The following STAU2 variants were observed in gnomAD, a reference collection of about 807,000 sequenced individuals.
STAU2 encodes the protein staufen double-stranded RNA binding protein 2, also known as double-stranded RNA-binding protein Staufen homolog 2.
STAU2 carries 20 observed loss-of-function variants against 65.9 expected under a neutral mutation model. The ratio of observed to expected loss-of-function variants is 0.30; its 90% CI spans 0.21 to 0.44. STAU2 has a LOEUF of 0.44. Among genes scored for constraint, STAU2 ranks in the 20% least tolerant of loss-of-function variants. The probability of loss-of-function intolerance (pLI) is 1.00; values close to 1 mark genes in which losing one functional copy is unlikely to be tolerated. For synonymous variants in STAU2, 232 were observed against 233.9 expected (o/e 0.99, Z 0.07); for missense variants, 558 against 683.9 (o/e 0.82, Z 2.05).
At chr8:73,668,735 A>G (rs1232664808) in intron 6 of STAU2, among the ~76,000 whole-genome samples, 2 of 150,834 alleles carry the variant, frequency 1.3e-5, no homozygotes, top group African/African-American at 4.9e-5. Flanking sequence ...GGGCATAATA[A>G]AAGGAGACAG....
intron 8 of STAU2, among the ~76,000 whole-genome samples, chr8:73,615,275 G>A (rs1473791974): frequency 6.6e-6 from 1 of 151,482 alleles, no homozygotes; most frequent in Non-Finnish European, 1.5e-5. Flanking sequence ...AGGTTAAAGT[G>A]AAACATATTT....
At chr8:73,556,565 G>A (rs1000798445) in intron 12 of STAU2, among the ~76,000 whole-genome samples, 2 of 152,156 alleles carry the variant, frequency 1.3e-5, no homozygotes, top group Non-Finnish European at 2.9e-5. Flanking sequence ...AGACCAGCCT[G>A]GCCAACATGT....
chr8:73,600,329 T>A (rs1183306686), intron 10 of STAU2, among the ~76,000 whole-genome samples: 1 of 152,190 alleles, frequency 6.6e-6, no homozygotes, highest in African/African-American at 2.4e-5. Context: ...CTGTGAAATA[T>A]TTTTTAAATA....
At chr8:73,572,191 C>T (rs1244894239) in intron 12 of STAU2, among the ~76,000 whole-genome samples, 2 of 152,168 alleles carry the variant, frequency 1.3e-5, no homozygotes, top group African/African-American at 4.8e-5. Flanking sequence ...CCTCCTAAGA[C>T]TAAACCAGGA....
chr8:73,569,824 A>C (rs1808905604), intron 12 of STAU2, among the ~76,000 whole-genome samples: 1 of 152,196 alleles, frequency 6.6e-6, no homozygotes, highest in African/African-American at 2.4e-5. Context: ...CCATCATCAA[A>C]GACCAAAGGT....
chr8:73,687,452 A>G (rs922264782), intron 5 of STAU2, among the ~76,000 whole-genome samples: 22 of 138,300 alleles, frequency 1.6e-4, no homozygotes, highest in Non-Finnish European at 2.8e-4. Context: ...ATATAAATAT[A>G]TAATATATAA....
At chr8:73,503,181 G>T (rs1821858927) in intron 13 of STAU2, among the ~76,000 whole-genome samples, 2 of 152,228 alleles carry the variant, frequency 1.3e-5, no homozygotes, top group Admixed American at 6.5e-5. Flanking sequence ...CTGTGGAAAA[G>T]ACACGCTGCA....
chr8:73,634,626 C>A (rs548063779), intron 6 of STAU2, among the ~76,000 whole-genome samples: 4 of 152,350 alleles, frequency 2.6e-5, no homozygotes, highest in African/African-American at 7.2e-5. Flanking sequence ...AAATCAGGCT[C>A]CCAGTCACAT....
At chr8:73,603,578 T>C (rs1444600445) in intron 10 of STAU2, 148 bp downstream of exon 10, 3 of 981,756 alleles carry the variant, frequency 3.1e-6, no homozygotes, top group Non-Finnish European at 2.8e-6. Flanking sequence ...TTCCACCAAG[T>C]TGGTAGGTGA....
chr8:73,541,458 A>T (rs1255803627), intron 13 of STAU2, among the ~76,000 whole-genome samples: 2 of 152,198 alleles, frequency 1.3e-5, no homozygotes, highest in Non-Finnish European at 1.5e-5. Context: ...AAAAACCAAA[A>T]CCAAAATAAA....
chr8:73,597,080 C>A (rs1416469842), intron 10 of STAU2, among the ~76,000 whole-genome samples: 2 of 151,648 alleles, frequency 1.3e-5, no homozygotes, highest in Admixed American at 6.6e-5. Context: ...TCAAGAAGTC[C>A]CAAACATATC....
intron 9 of STAU2, among the ~76,000 whole-genome samples, chr8:73,609,179 C>T (rs1812255440): frequency 1.3e-5 from 2 of 151,866 alleles, no homozygotes. Flanking sequence ...ATTCAGGAAT[C>T]ATCTATTTAA....
intron 13 of STAU2, among the ~76,000 whole-genome samples, chr8:73,470,823 T>C (rs1170667877): frequency 1.4e-5 from 2 of 147,030 alleles, no homozygotes; most frequent in Non-Finnish European, 3.0e-5. Context: ...AATTTTTTTT[T>C]AAATAATAGA....
intron 12 of STAU2, among the ~76,000 whole-genome samples, chr8:73,573,011 T>G (rs1809229903): frequency 6.6e-6 from 1 of 152,220 alleles, no homozygotes; most frequent in Non-Finnish European, 1.5e-5. Flanking sequence ...CCTCATTGTC[T>G]CAGCCCAAAA....
At chr8:73,621,495 C>A (rs1813231006) in intron 6 of STAU2, among the ~76,000 whole-genome samples, 1 of 152,168 alleles carries the variant, frequency 6.6e-6, no homozygotes, top group Admixed American at 6.5e-5. Context: ...CATATTTTTA[C>A]AAATTAGTAT....
intron 11 of STAU2, among the ~76,000 whole-genome samples, chr8:73,584,948 T>C (rs1810253583): frequency 6.6e-6 from 1 of 152,228 alleles, no homozygotes; most frequent in Non-Finnish European, 1.5e-5. Context: ...TTTACATTCC[T>C]ACCATACTTT....
chr8:73,707,390 G>A (rs1427088059), intron 4 of STAU2, among the ~76,000 whole-genome samples: 1 of 152,200 alleles, frequency 6.6e-6, no homozygotes, highest in African/African-American at 2.4e-5. Flanking sequence ...ATAAGGTCAA[G>A]AATGTGATTA....
chr8:73,556,573 T>C (rs1033019888), intron 12 of STAU2, among the ~76,000 whole-genome samples: 6 of 152,068 alleles, frequency 3.9e-5, no homozygotes, highest in Non-Finnish European at 8.8e-5. Context: ...CTGGCCAACA[T>C]GTTGAAACCC....
chr8:73,503,048 T>G (rs1465710993), intron 13 of STAU2, among the ~76,000 whole-genome samples: 1 of 152,072 alleles, frequency 6.6e-6, no homozygotes, highest in Non-Finnish European at 1.5e-5. Flanking sequence ...TCTCTTAAGT[T>G]ACAAATTTGA....
Sources: allele counts gnomAD v4.1 joint callset (sites outside exome capture counted in the v4.1 genomes callset), GRCh38; gene constraint gnomAD v4.1.1; transcripts MANE v1.5; gene names NCBI Gene and HGNC (gene_info 2026-07-23, HGNC 2026-07-21).